The following PTPRD variants were observed in gnomAD, a reference collection of about 807,000 sequenced individuals.
PTPRD encodes the protein protein tyrosine phosphatase receptor type D, also known as receptor-type tyrosine-protein phosphatase delta.
Under a neutral mutation model 214.5 loss-of-function variants are expected in PTPRD, and 34 were observed. That is an observed-to-expected ratio of 0.16 (90% CI 0.12 to 0.21). The LOEUF (loss-of-function observed/expected upper bound fraction) is 0.21, where lower values mean the gene tolerates loss of function less well. PTPRD is among the 10% of genes least tolerant of loss of function. The pLI, the probability that PTPRD is intolerant of heterozygous loss-of-function variation, is 1.00. For synonymous variants in PTPRD, 1,128 were observed against 845.7 expected (o/e 1.33, Z -5.79); for missense variants, 2,545 against 2,398.7 (o/e 1.06, Z -1.27).
At chr9:10,238,193 G>A (rs1248550507) in intron 3 of PTPRD, among the ~76,000 whole-genome samples, 2 of 150,848 alleles carry the variant, frequency 1.3e-5, no homozygotes, top group Non-Finnish European at 3.0e-5. Flanking sequence ...AGGACAGGAA[G>A]AAAAAGCACT....
chr9:8,475,384 G>C (rs1239447246), intron 30 of PTPRD, among the ~76,000 whole-genome samples: 1 of 151,888 alleles, frequency 6.6e-6, no homozygotes, highest in East Asian at 1.9e-4. Flanking sequence ...TATTTCCTTA[G>C]CAGAATTTAT....
At chr9:9,232,455 A>C (rs942054717) in intron 9 of PTPRD, among the ~76,000 whole-genome samples, 1 of 152,186 alleles carries the variant, frequency 6.6e-6, no homozygotes, top group African/African-American at 2.4e-5. Context: ...AGGTATAAGC[A>C]ATTCACAATA....
At chr9:8,446,567 C>T (rs1004642651) in intron 34 of PTPRD, among the ~76,000 whole-genome samples, 10 of 152,154 alleles carry the variant, frequency 6.6e-5, no homozygotes, top group African/African-American at 2.4e-4. Flanking sequence ...AAATCACAGG[C>T]ATCTTATTTC....
chr9:10,036,201 C>G (rs1477619014), intron 3 of PTPRD, among the ~76,000 whole-genome samples: 1 of 152,134 alleles, frequency 6.6e-6, no homozygotes, highest in Non-Finnish European at 1.5e-5. Flanking sequence ...GACTGACAGT[C>G]TACATACACT....
At chr9:9,920,857 A>C (rs1296161957) in intron 5 of PTPRD, among the ~76,000 whole-genome samples, 1 of 152,152 alleles carries the variant, frequency 6.6e-6, no homozygotes, top group Non-Finnish European at 1.5e-5. Context: ...GCTTCCATCT[A>C]TCATGGGAGC....
chr9:9,936,316 C>T (rs1187590079), intron 5 of PTPRD, among the ~76,000 whole-genome samples: 1 of 151,644 alleles, frequency 6.6e-6, no homozygotes, highest in Admixed American at 6.6e-5. Flanking sequence ...AGAAAATTTT[C>T]ACAACCTACT....
chr9:8,553,429 C>A (rs1475187568), intron 14 of PTPRD, among the ~76,000 whole-genome samples: 2 of 152,130 alleles, frequency 1.3e-5, no homozygotes, highest in African/African-American at 4.8e-5. Context: ...TTTCATGTAT[C>A]TTCTGATAAG....
At chr9:8,940,569 C>T (rs1340535436) in intron 11 of PTPRD, among the ~76,000 whole-genome samples, 1 of 150,294 alleles carries the variant, frequency 6.7e-6, no homozygotes, top group Non-Finnish European at 1.5e-5. Flanking sequence ...ACTGGGATTA[C>T]AGGTGTGAGC....
At chr9:8,330,889 CTAAAATATATTAGT>C in intron 44 of PTPRD, among the ~76,000 whole-genome samples, 1 of 150,104 alleles carries the variant, frequency 6.7e-6, no homozygotes, top group African/African-American at 2.5e-5. Flanking sequence ...TGCCAGAACC[CTAAAATATATTAGT>C]TTAAATAAAA....
chr9:10,086,785 T>A (rs1201654666), intron 3 of PTPRD, among the ~76,000 whole-genome samples: 1 of 151,872 alleles, frequency 6.6e-6, no homozygotes, highest in Admixed American at 6.6e-5. Context: ...AACTTTTCTT[T>A]CATAATTTGC....
At chr9:10,019,597 A>G (rs532537817) in intron 4 of PTPRD, among the ~76,000 whole-genome samples, 8 of 152,338 alleles carry the variant, frequency 5.3e-5, no homozygotes, top group East Asian at 1.9e-4. Context: ...CTATGCATTC[A>G]TAAAAAAGGA....
At chr9:10,571,114 T>C (rs2067300991) in intron 2 of PTPRD, among the ~76,000 whole-genome samples, 2 of 152,166 alleles carry the variant, frequency 1.3e-5, no homozygotes, top group Non-Finnish European at 2.9e-5. Flanking sequence ...ATATATGACA[T>C]GCAGCATATT....
chr9:9,430,176 C>T (rs2082542040), intron 8 of PTPRD, among the ~76,000 whole-genome samples: 1 of 152,156 alleles, frequency 6.6e-6, no homozygotes. Context: ...CCAAAATCTC[C>T]TTAAGCTGAT....
intron 5 of PTPRD, among the ~76,000 whole-genome samples, chr9:9,802,839 A>G (rs2099050126): frequency 6.6e-6 from 1 of 151,808 alleles, no homozygotes; most frequent in South Asian, 2.1e-4. Context: ...CAAACTTACA[A>G]TTGTTTATTC....
At chr9:8,845,428 C>T (rs1328452847) in intron 11 of PTPRD, among the ~76,000 whole-genome samples, 1 of 152,142 alleles carries the variant, frequency 6.6e-6, no homozygotes, top group Non-Finnish European at 1.5e-5. Flanking sequence ...CTAGCTCTGG[C>T]GATATTCAAG....
At chr9:9,655,523 T>C (rs2096487472) in intron 7 of PTPRD, among the ~76,000 whole-genome samples, 2 of 151,692 alleles carry the variant, frequency 1.3e-5, no homozygotes, top group East Asian at 2.0e-4. Flanking sequence ...GAGCCGAAAT[T>C]GCATCACTGC....
At chr9:9,478,199 C>T (rs1194296524) in intron 8 of PTPRD, among the ~76,000 whole-genome samples, 3 of 152,048 alleles carry the variant, frequency 2.0e-5, no homozygotes, top group East Asian at 1.9e-4. Context: ...GACATTTGTG[C>T]CCGGGTCTTT....
intron 14 of PTPRD, among the ~76,000 whole-genome samples, chr9:8,581,465 G>A (rs9299068): frequency 0.051 from 7,825 of 152,106 alleles, 675 homozygotes; most frequent in African/African-American, 0.18. Context: ...AAGGGTGGCC[G>A]GGGCCGGGCG....
chr9:10,280,377 CACACACACACACAT>C (rs1350426806), intron 3 of PTPRD, among the ~76,000 whole-genome samples: 5 of 151,610 alleles, frequency 3.3e-5, no homozygotes, highest in Non-Finnish European at 7.4e-5. Context: ...CACACACACA[CACACACACACACAT>C]GTGAGACATA....
Sources: allele counts gnomAD v4.1 joint callset (sites outside exome capture counted in the v4.1 genomes callset), GRCh38; gene constraint gnomAD v4.1.1; transcripts MANE v1.5; gene names NCBI Gene and HGNC (gene_info 2026-07-23, HGNC 2026-07-21).